DDX60L: variants seen among roughly 807,000 people sequenced by gnomAD.
DDX60L encodes the protein DExD/H-box 60 like.
Under a neutral mutation model 211.6 loss-of-function variants are expected in DDX60L, and 191 were observed. That is an observed-to-expected ratio of 0.90 (90% CI 0.80 to 1.02). The LOEUF (loss-of-function observed/expected upper bound fraction) is 1.02. DDX60L is among the 50% of genes least tolerant of loss of function. The pLI, the probability that DDX60L is intolerant of heterozygous loss-of-function variation, is 0.00. For missense variants in DDX60L, 2,007 were observed against 1,984.1 expected, an observed-to-expected ratio of 1.01 and a Z score of -0.22; for synonymous variants, 706 against 694.1, an observed-to-expected ratio of 1.02 and a Z score of -0.27.
intron 37 of DDX60L, among the ~76,000 whole-genome samples, chr4:168,359,771 C>T (rs539143501): frequency 1.3e-5 from 2 of 152,278 alleles, no homozygotes; most frequent in South Asian, 4.2e-4. Context: ...GCATATACAA[C>T]CAAATTCCTT....
intron 18 of DDX60L, among the ~76,000 whole-genome samples, chr4:168,420,046 C>T (rs992435218): frequency 2.0e-5 from 3 of 152,186 alleles, no homozygotes; most frequent in African/African-American, 7.2e-5. Context: ...TTTGAAATTT[C>T]AGTTCACAAT....
At chr4:168,480,039 C>T (rs1391898906) in intron 1 of DDX60L, among the ~76,000 whole-genome samples, 1 of 151,148 alleles carries the variant, frequency 6.6e-6, no homozygotes, top group African/African-American at 2.4e-5. Context: ...AAGCGGCTTG[C>T]TGCCTGTCAA....
chr4:168,383,959 C>T (rs946109103), intron 30 of DDX60L, among the ~76,000 whole-genome samples: 2 of 152,142 alleles, frequency 1.3e-5, no homozygotes, highest in Non-Finnish European at 2.9e-5. Flanking sequence ...TGTGGGTGGG[C>T]ACCATCTAAT....
At chr4:168,373,898 G>T in intron 34 of DDX60L, 90 bp from the exon 35 acceptor site, 1 of 1,310,498 alleles carries the variant, frequency 7.6e-7, no homozygotes, top group Non-Finnish European at 1.1e-6. Flanking sequence ...GCCACAGTAG[G>T]TGACATTCAT....
At chr4:168,401,676 G>A (rs1219498704) in intron 25 of DDX60L, among the ~76,000 whole-genome samples, 1 of 152,156 alleles carries the variant, frequency 6.6e-6, no homozygotes, top group African/African-American at 2.4e-5. Context: ...TGTATGTAAT[G>A]TCCAGTAATA....
chr4:168,395,932 T>C, intron 27 of DDX60L, 27 bp downstream of exon 27: 1 of 1,482,434 alleles, frequency 6.7e-7, no homozygotes, highest in East Asian at 2.3e-5. Context: ...AACTGTAACG[T>C]ATTATATTAA....
Position 168,357,283 on chromosome 4 carries a change from C to T in DDX60L, c.*864G>A, listed in dbSNP as rs1276827730. ...CAGTTGAATCAGCATGTTCTGCTTTCAACAGGAAAGTGGTTTATAACTACT... is the reference window on the plus strand; with the variant it reads ...CAGTTGAATCAGCATGTTCTGCTTTTAACAGGAAAGTGGTTTATAACTACT... On this transcript the variant is annotated 3_prime_UTR_variant, in exon 38 of 38. Transcript: ENST00000682922. 1 of 152,170 alleles carries T rather than the reference C, an allele frequency of 6.6e-6. No homozygotes were observed. Among genetic ancestry groups the T allele is most frequent in the Non-Finnish European group, 1.5e-5 (1 of 68,028 alleles). The allele number at this position is 152,170 out of a possible 1,614,324, so 9.4% of individuals were successfully genotyped here.
intron 33 of DDX60L, among the ~76,000 whole-genome samples, chr4:168,377,153 C>T (rs1304160337): frequency 6.6e-5 from 10 of 151,906 alleles, no homozygotes; most frequent in East Asian, 1.9e-4. Context: ...ATTAGCCAAG[C>T]GTGGTGGCGA....
chr4:168,369,483 C>CAAAAAA (rs113198591), intron 36 of DDX60L, among the ~76,000 whole-genome samples: 13 of 41,444 alleles, frequency 3.1e-4, no homozygotes, highest in African/African-American at 9.8e-4. Flanking sequence ...TTAAAAAAAA[C>CAAAAAA]AAAAAAAAAA....
chr4:168,361,576 C>T (rs190641154), intron 36 of DDX60L: 19 of 159,878 alleles, frequency 1.2e-4, no homozygotes, highest in Non-Finnish European at 2.2e-4. Context: ...TTCTTCATAA[C>T]TAAGAACTAG....
intron 36 of DDX60L, among the ~76,000 whole-genome samples, chr4:168,363,297 GAA>G (rs1446888042): frequency 2.0e-5 from 3 of 152,160 alleles, no homozygotes; most frequent in Admixed American, 6.5e-5. Context: ...AGGCTTACAA[GAA>G]ATTCTTAAGT....
intron 9 of DDX60L, among the ~76,000 whole-genome samples, chr4:168,442,869 C>A (rs1322911520): frequency 1.3e-5 from 2 of 151,336 alleles, no homozygotes; most frequent in African/African-American, 4.9e-5. Flanking sequence ...CACCAAAAAC[C>A]CATCTGTACA....
chr4:168,382,924 A>C (rs1043353370), intron 30 of DDX60L, among the ~76,000 whole-genome samples: 2 of 152,222 alleles, frequency 1.3e-5, no homozygotes, highest in African/African-American at 4.8e-5. Flanking sequence ...GCTAGCATTT[A>C]TGTGTTTACT....
intron 30 of DDX60L, among the ~76,000 whole-genome samples, chr4:168,383,966 TA>T (rs1460531013): frequency 6.6e-6 from 1 of 152,204 alleles, no homozygotes; most frequent in Middle Eastern, 3.2e-3. Flanking sequence ...GGGCACCATC[TA>T]ATCAGCTGCC....
At chr4:168,449,652 C>CAAAAAAAAAAAAAAAAAAAAAAAAAATA in intron 8 of DDX60L, among the ~76,000 whole-genome samples, 2 of 7,936 alleles carry the variant, frequency 2.5e-4, no homozygotes, top group Non-Finnish European at 4.5e-4. Flanking sequence ...AAAAAAAATG[C>CAAAAAAAAAAAAAAAAAAAAAAAAAATA]AAAAAAAAAA....
chr4:168,386,944 T>C (rs963823906), intron 29 of DDX60L, among the ~76,000 whole-genome samples: 2 of 152,316 alleles, frequency 1.3e-5, no homozygotes, highest in African/African-American at 4.8e-5. Flanking sequence ...GGCTTGAATA[T>C]TGCCAACACT....
intron 5 of DDX60L, 41 bp from the exon 6 acceptor site, chr4:168,458,049 G>T (rs1384420660): frequency 1.1e-5 from 13 of 1,201,936 alleles, no homozygotes; most frequent in African/African-American, 1.1e-4. Context: ...CTTAAATAAA[G>T]TATTTCCCAG....
chr4:168,382,775 GA>G (rs1743186900), intron 30 of DDX60L, among the ~76,000 whole-genome samples: 1 of 151,820 alleles, frequency 6.6e-6, no homozygotes, highest in South Asian at 2.1e-4. Context: ...CTTTATAAAG[GA>G]AAAAGTAAAA....
At position 168,441,334 on chromosome 4, in the gene DDX60L, T is replaced by C. The variant is rs1753802306; in HGVS notation, c.1294+3A>G. 6.2e-7 allele frequency: 1 copy of C among 1,602,414 alleles called. No homozygotes were observed. Among genetic ancestry groups the C allele is most frequent in the African/African-American group, 1.3e-5 (1 of 74,658 alleles). Reference sequence around the variant, plus strand: ...GTTCCACTTTAATTTACCCATTTAGTACCTTGAATGACCGATTTCTCTTGT... The same window carrying C: ...GTTCCACTTTAATTTACCCATTTAGCACCTTGAATGACCGATTTCTCTTGT... On this transcript the variant is annotated splice_donor_region_variant and intron_variant, in intron 10 of 37. Coordinates refer to ENST00000682922, the MANE Select transcript of DDX60L (RefSeq NM_001012967.3).
Sources: gnomAD v4.1 joint callset for allele counts (sites outside exome capture counted in the v4.1 genomes callset) on GRCh38, gnomAD v4.1.1 for gene constraint, MANE v1.5 for transcripts, NCBI Gene and HGNC (gene_info 2026-07-23, HGNC 2026-07-21) for gene names.